Variants in GRM4 observed in about 807,000 individuals in gnomAD.
GRM4 encodes the protein metabotropic glutamate receptor 4.
A neutral mutation model predicts 81.7 loss-of-function variants in GRM4; 28 were observed. The ratio of observed to expected loss-of-function variants is 0.34; its 90% CI spans 0.25 to 0.47. GRM4 has a LOEUF of 0.47. Among genes scored for constraint, GRM4 ranks in the 20% least tolerant of loss-of-function variants. The pLI is 1.00. For missense variants in GRM4, 948 were observed against 1,290.0 expected (o/e 0.73, Z 4.06); for synonymous variants, 488 against 528.8 (o/e 0.92, Z 1.06).
chr6:34,079,936 C>T (rs1767501255), intron 3 of GRM4, among the ~76,000 whole-genome samples: 2 of 152,198 alleles, frequency 1.3e-5, no homozygotes, highest in South Asian at 2.1e-4. Context: ...TCTCGACCCT[C>T]CTCTGCTCCT....
At chr6:34,056,384 C>T in intron 6 of GRM4, 160 bp downstream of exon 6, 2 of 640,614 alleles carry the variant, frequency 3.1e-6, no homozygotes, top group Non-Finnish European at 5.4e-6. Context: ...AGGCCCCGCC[C>T]CAGGCCTCCC....
chr6:34,096,131 G>A (rs1231988766), intron 2 of GRM4, among the ~76,000 whole-genome samples: 2 of 152,128 alleles, frequency 1.3e-5, no homozygotes, highest in East Asian at 1.9e-4. Flanking sequence ...AGCACCTACT[G>A]TACACTGGAC....
chr6:34,086,715 C>T (rs1767907703), intron 3 of GRM4, among the ~76,000 whole-genome samples: 1 of 152,256 alleles, frequency 6.6e-6, no homozygotes, highest in Non-Finnish European at 1.5e-5. Context: ...GCCCCTGCCA[C>T]TTCCTAGCTG....
rs1054417308 is a variant in GRM4, at chr6:34,069,255, C to T, written c.737-7227G>A. Among the ~76,000 whole-genome samples, 4 of 152,076 alleles carry T rather than the reference C, an allele frequency of 2.6e-5. No homozygotes were observed. Among genetic ancestry groups the T allele is most frequent in the Non-Finnish European group, 5.9e-5 (4 of 68,008 alleles). On this transcript the variant is annotated intron_variant, in intron 3 of 10. Coordinates refer to ENST00000538487, the MANE Select transcript of GRM4 (RefSeq NM_000841.4). This position sits in a 1 kb window ranked among gnomAD's most constrained non-coding sequence, Gnocchi z 6.4. ...CTGACTTCCAAAGCCAGGCCCTTCC[C>T]CAAAACAGCTCTCAGGAAGGGGACC...
chr6:34,045,711 G>A (rs546216610), intron 6 of GRM4, among the ~76,000 whole-genome samples: 24 of 152,334 alleles, frequency 1.6e-4, no homozygotes, highest in African/African-American at 5.5e-4. Flanking sequence ...TGAAGAGAAA[G>A]GGGTAGGAAA....
At position 34,090,161 on chromosome 6, in the gene GRM4, GGGA is replaced by G. The variant is rs1210676973; in HGVS notation, c.736+1719_736+1721del. 6.6e-6 allele frequency among the ~76,000 whole-genome samples: 1 copy of G among 152,206 alleles called. No individual in the cohort carries two copies. Among genetic ancestry groups the G allele is most frequent in the Non-Finnish European group, 1.5e-5 (1 of 68,028 alleles). On this transcript the variant is annotated intron_variant, in intron 3 of 10. Transcript: ENST00000538487. The surrounding 1 kb of genome is among the most constrained non-coding windows in gnomAD (Gnocchi z 5.2). ...CAGGACAGCAGGTGCTGGGCACAGAGGGAGGCCTGCATGAGCACTGGGGGTGGC... is the reference window on the plus strand; with the variant it reads ...CAGGACAGCAGGTGCTGGGCACAGAGGGCCTGCATGAGCACTGGGGGTGGC...
intron 3 of GRM4, among the ~76,000 whole-genome samples, chr6:34,079,460 G>A (rs918087081): frequency 6.6e-6 from 1 of 152,174 alleles, no homozygotes; most frequent in Non-Finnish European, 1.5e-5. Flanking sequence ...CAGCTTCATC[G>A]TTGCATTCAG....
At position 34,047,620 on chromosome 6, in the gene GRM4, A is replaced by T. The variant is rs139451755; in HGVS notation, c.1169-6872T>A. ...CTTCCAGTCTGGGAATTTCTAACCC[A>T]CTTGGCTGGGTCTCCTCCATCCCTA... is the stretch of plus-strand genomic sequence containing the variant. On this transcript the variant is annotated intron_variant, in intron 6 of 10. Coordinates refer to ENST00000538487, the MANE Select transcript of GRM4 (RefSeq NM_000841.4). The surrounding 1 kb of genome is among the most constrained non-coding windows in gnomAD (Gnocchi z 4.5). Among the ~76,000 whole-genome samples, 5 of 151,732 alleles carry T rather than the reference A, an allele frequency of 3.3e-5. No individual in the cohort carries two copies.
chr6:34,085,143 A>G (rs938260225), intron 3 of GRM4, among the ~76,000 whole-genome samples: 1 of 152,138 alleles, frequency 6.6e-6, no homozygotes, highest in Admixed American at 6.5e-5. Flanking sequence ...ACAGAGTCAT[A>G]TGCTATGCTG....
chr6:34,024,863 CACCTTACAGCTCATGA>C (rs1342985117), intron 10 of GRM4: 9 of 429,412 alleles, frequency 2.1e-5, no homozygotes, highest in Non-Finnish European at 3.8e-5. Flanking sequence ...CACAGCATGG[CACCTTACAGCTCATGA>C]AGAATTCCCA....
intron 3 of GRM4, among the ~76,000 whole-genome samples, chr6:34,083,133 T>A (rs1298673916): frequency 6.6e-6 from 1 of 152,184 alleles, no homozygotes; most frequent in East Asian, 1.9e-4. Flanking sequence ...GTCATTCCCA[T>A]CAAGCTCAGA....
Position 34,131,251 on chromosome 6 carries a change from C to A in GRM4, c.519+1727G>T, listed in dbSNP as rs79042416. 4.4e-3 allele frequency among the ~76,000 whole-genome samples: 664 copies of A among 152,350 alleles called. 8 individuals are homozygous for A. The highest frequency in any genetic ancestry group is 0.015 in the African/African-American group (610 of 41,576). The stretch of plus-strand genomic sequence containing the variant: ...CGGGGATTGTTCCAGCTGCCTACCG[C>A]GAGGGCAGAAATGTTTTCAAGTTTC... On this transcript the variant is annotated intron_variant, in intron 2 of 10. Transcript: ENST00000538487.
chr6:34,127,090 C>A (rs1463553063), intron 2 of GRM4, among the ~76,000 whole-genome samples: 1 of 152,166 alleles, frequency 6.6e-6, no homozygotes, highest in Non-Finnish European at 1.5e-5. Context: ...ATGAACTGTA[C>A]AAAACCAGGC....
At chr6:34,151,240 T>G (rs972878804) in intron 1 of GRM4, among the ~76,000 whole-genome samples, 1 of 152,182 alleles carries the variant, frequency 6.6e-6, no homozygotes, top group African/African-American at 2.4e-5. Flanking sequence ...GAGTTTACAG[T>G]AAGAATTTAT....
chr6:34,136,354 T>G lies in GRM4; in HGVS notation c.-363-2495A>C, dbSNP rs1181426142. Among the ~76,000 whole-genome samples the G allele has an allele frequency of 6.6e-6, 1 of 151,856 alleles. No individual in the cohort carries two copies. The highest frequency in any genetic ancestry group is 1.5e-5 in the Non-Finnish European group (1 of 67,972). ...TAAGGTCCTGTGAGTTTATGATCGG[T>G]TTCCATGAATTTCAAACAGAGGGCT... is the stretch of plus-strand genomic sequence containing the variant. On this transcript the variant is annotated intron_variant, in intron 1 of 10. Transcript: ENST00000538487. The surrounding 1 kb of genome is among the most constrained non-coding windows in gnomAD (Gnocchi z 4.1).
intron 10 of GRM4, among the ~76,000 whole-genome samples, chr6:34,027,488 C>T (rs536375615): frequency 1.2e-4 from 19 of 152,226 alleles, no homozygotes; most frequent in Admixed American, 8.5e-4. Context: ...ACCTGAGCGC[C>T]GCTAGGCAGT....
In GRM4 at chr6:34,065,326, C is replaced by G. The variant is rs546738353; in HGVS notation, c.737-3298G>C. On this transcript the variant is annotated intron_variant, in intron 3 of 10. Transcript: ENST00000538487. ...CAGACGCCTGCTTCTAACCTCTCCC[C>G]TAGGGAGGGGCACGCCTCCTCACCC... 3.9e-5 allele frequency among the ~76,000 whole-genome samples: 6 copies of G among 152,258 alleles called. No individual in the cohort carries two copies. In the South Asian group the frequency reaches 1.2e-3, roughly 32 times the overall value.
intron 10 of GRM4, among the ~76,000 whole-genome samples, chr6:34,023,361 C>T (rs1256065434): frequency 6.6e-6 from 1 of 152,158 alleles, no homozygotes; most frequent in Non-Finnish European, 1.5e-5. Flanking sequence ...ATTTTGGATG[C>T]GCACATGTAA....
Position 34,067,523 on chromosome 6 carries a change from TC to T in GRM4, c.737-5496del, listed in dbSNP as rs545718822. On this transcript the variant is annotated intron_variant, in intron 3 of 10. Coordinates refer to ENST00000538487, the MANE Select transcript of GRM4 (RefSeq NM_000841.4). ...CTTCTTTCCTTCCTTCCTCCATCCC[TC>T]CCTCCCTTTCTTCCTCCCTCCCTCT... 3.0e-3 allele frequency among the ~76,000 whole-genome samples: 421 copies of T among 140,076 alleles called. 4 individuals are homozygous for T. Among genetic ancestry groups the T allele is most frequent in the African/African-American group, 0.01 (381 of 37,682 alleles). The allele number at this position is 140,076 out of a possible 152,430, so 91.9% of individuals were successfully genotyped here.
Sources: allele counts gnomAD v4.1 joint callset (sites outside exome capture counted in the v4.1 genomes callset), GRCh38; gene constraint gnomAD v4.1.1; non-coding constraint Gnocchi (gnomAD v3.1); transcripts MANE v1.5; gene names NCBI Gene and HGNC (gene_info 2026-07-23, HGNC 2026-07-21).